Variants in MLF1 observed in about 807,000 individuals in gnomAD.
The protein encoded by MLF1 is myelodysplasia-myeloid leukemia factor 1.
MLF1 carries 37 observed loss-of-function variants against 38.3 expected under a neutral mutation model. That is an observed-to-expected ratio of 0.96 (90% CI 0.74 to 1.27). The LOEUF (loss-of-function observed/expected upper bound fraction) is 1.27, where lower values mean the gene tolerates loss of function less well. Ranked by LOEUF, MLF1 falls within the 50% of genes most tolerant of loss-of-function variation. The pLI, the probability that MLF1 is intolerant of heterozygous loss-of-function variation, is 0.00. For missense variants in MLF1, 331 were observed against 349.2 expected (o/e 0.95, Z 0.42); for synonymous variants, 95 against 106.5 (o/e 0.89, Z 0.66).
chr3:158,597,829 T>C (rs533906409), intron 4 of MLF1, among the ~76,000 whole-genome samples: 20 of 152,220 alleles, frequency 1.3e-4, no homozygotes, highest in African/African-American at 4.8e-4. Context: ...TTATTAGTCT[T>C]TGTAACGAGA....
chr3:158,602,541 G>C (rs967584612), intron 6 of MLF1, among the ~76,000 whole-genome samples: 1 of 152,146 alleles, frequency 6.6e-6, no homozygotes, highest in Admixed American at 6.5e-5. Flanking sequence ...TAGGTCAGCT[G>C]GTCCATTGGG....
intron 1 of MLF1, among the ~76,000 whole-genome samples, chr3:158,583,418 T>C (rs1716716044): frequency 6.6e-6 from 1 of 152,118 alleles, no homozygotes. Flanking sequence ...CAGTAAATGT[T>C]GTTTAAAAAA....
rs141753552 is a variant in MLF1 at position 158,598,081 on chromosome 3, G to A, written c.326G>A (p.Gly109Asp). 3 of 1,612,114 alleles carry A rather than the reference G, an allele frequency of 1.9e-6. No individual in the cohort carries two copies. The highest frequency in any genetic ancestry group is 2.5e-6 in the Non-Finnish European group (3 of 1,179,426). ...NYMQKLERNF[G>D]QLSVDPNGHS... ...AATTTACAATTTGTTTACCTGTAGG[G>A]TCAACTTTCAGTGGATCCAAATGGA... Residue 109 changes from glycine to aspartate, a missense_variant and splice_region_variant, in exon 5 of 8, where the codon GGT (glycine) becomes GAT (aspartate). Coordinates refer to ENST00000466246, the MANE Select transcript of MLF1 (RefSeq NM_001369783.1).
intron 1 of MLF1, among the ~76,000 whole-genome samples, chr3:158,590,493 A>G (rs1189482025): frequency 6.6e-6 from 1 of 152,246 alleles, no homozygotes; most frequent in African/African-American, 2.4e-5. Flanking sequence ...AGCTTTATTC[A>G]TAATAGCCAA....
At chr3:158,596,836 A>C (rs745649141) in intron 3 of MLF1, 26 bp from the exon 4 acceptor site, 1 of 1,516,092 alleles carries the variant, frequency 6.6e-7, no homozygotes, top group South Asian at 1.2e-5. Context: ...CCTACAGTTA[A>C]TAACATACTT....
At chr3:158,603,603 C>T (rs1188089040) in intron 7 of MLF1, among the ~76,000 whole-genome samples, 3 of 152,014 alleles carry the variant, frequency 2.0e-5, no homozygotes, top group Non-Finnish European at 2.9e-5. Flanking sequence ...TTCCGGAGGC[C>T]GAGGCAGGTG....
intron 1 of MLF1, among the ~76,000 whole-genome samples, chr3:158,573,981 T>G (rs1398373151): frequency 6.6e-6 from 1 of 152,086 alleles, no homozygotes; most frequent in Non-Finnish European, 1.5e-5. Flanking sequence ...ATTTTTTTTG[T>G]AGAGAGGAGG....
At position 158,571,342 on chromosome 3, in the gene MLF1, C is replaced by A; in HGVS notation, c.42C>A (p.Phe14Leu). Reference protein sequence around the residue: ...MLNSSFEDDPFFSESILAHRE... With the variant: ...MLNSSFEDDPLFSESILAHRE... Reference sequence around the variant, plus strand: ...ACAGCAGTTTTGAGGATGACCCCTTCTTCTCGTGAGTTACGGGAGCCAGGA... The same window carrying A: ...ACAGCAGTTTTGAGGATGACCCCTTATTCTCGTGAGTTACGGGAGCCAGGA... Residue 14 changes from phenylalanine (F) to leucine (L), a missense_variant, in exon 1 of 8, where the codon TTC (phenylalanine) becomes TTA (leucine). Transcript: ENST00000466246. 1 of 1,613,226 alleles carries A rather than the reference C, an allele frequency of 6.2e-7. No individual in the cohort carries two copies. Among genetic ancestry groups the A allele is most frequent in the South Asian group, 1.1e-5 (1 of 91,062 alleles).
chr3:158,574,079 A>T (rs1468547236), intron 1 of MLF1, among the ~76,000 whole-genome samples: 1 of 152,228 alleles, frequency 6.6e-6, no homozygotes, highest in African/African-American at 2.4e-5. Context: ...GATTACAGGC[A>T]TGCGCCACTG....
chr3:158,579,758 T>C (rs1716043349), intron 1 of MLF1, among the ~76,000 whole-genome samples: 3 of 152,204 alleles, frequency 2.0e-5, no homozygotes, highest in Non-Finnish European at 2.9e-5. Context: ...TGAAATACTT[T>C]TCTTCATTGT....
intron 7 of MLF1, 88 bp downstream of exon 7, chr3:158,603,027 A>G (rs1270192770): frequency 8.5e-7 from 1 of 1,182,228 alleles, no homozygotes; most frequent in Non-Finnish European, 1.2e-6. Flanking sequence ...GAAAGTTTTG[A>G]TGATCATCCA....
At chr3:158,598,423 AC>A (rs1200976151) in intron 5 of MLF1, among the ~76,000 whole-genome samples, 1 of 125,742 alleles carries the variant, frequency 8.0e-6, no homozygotes, top group African/African-American at 3.0e-5. Context: ...TAGCCCCCCC[AC>A]CCCCCCGTGA....
chr3:158,586,003 A>G (rs1717189709), intron 1 of MLF1, among the ~76,000 whole-genome samples: 1 of 151,700 alleles, frequency 6.6e-6, no homozygotes, highest in Non-Finnish European at 1.5e-5. Flanking sequence ...CTCTACTAAA[A>G]ATACAAAAAA....
At chr3:158,585,607 A>C (rs1207789383) in intron 1 of MLF1, among the ~76,000 whole-genome samples, 1 of 152,200 alleles carries the variant, frequency 6.6e-6, no homozygotes, top group Non-Finnish European at 1.5e-5. Context: ...AGAGATACAG[A>C]AATTAAATTT....
intron 1 of MLF1, among the ~76,000 whole-genome samples, chr3:158,592,063 C>G (rs941074137): frequency 6.6e-6 from 1 of 152,224 alleles, no homozygotes; most frequent in African/African-American, 2.4e-5. Flanking sequence ...TGGGCAACAT[C>G]ATCTAACATA....
intron 1 of MLF1, among the ~76,000 whole-genome samples, chr3:158,578,147 T>G (rs1715746605): frequency 6.6e-6 from 1 of 152,134 alleles, no homozygotes; most frequent in African/African-American, 2.4e-5. Context: ...TATAGACCAG[T>G]CTACCTCATT....
intron 1 of MLF1, among the ~76,000 whole-genome samples, chr3:158,583,907 C>G (rs1429191443): frequency 1.3e-5 from 2 of 152,074 alleles, no homozygotes; most frequent in African/African-American, 4.8e-5. Flanking sequence ...TCTACTGTGA[C>G]CAACAGAGCT....
intron 1 of MLF1, among the ~76,000 whole-genome samples, chr3:158,584,196 G>T (rs556596270): frequency 2.0e-5 from 3 of 152,260 alleles, no homozygotes; most frequent in South Asian, 2.1e-4. Flanking sequence ...TCCCCAAAAG[G>T]AGAGAGCCAG....
intron 1 of MLF1, among the ~76,000 whole-genome samples, chr3:158,589,698 A>T (rs575834327): frequency 6.6e-6 from 1 of 152,348 alleles, no homozygotes; most frequent in African/African-American, 2.4e-5. Context: ...ATTACCACAT[A>T]TTTAGAGACT....
Sources: gnomAD v4.1 joint callset for allele counts (sites outside exome capture counted in the v4.1 genomes callset) on GRCh38, gnomAD v4.1.1 for gene constraint, MANE v1.5 for transcripts, NCBI Gene and HGNC (gene_info 2026-07-23, HGNC 2026-07-21) for gene names.